The following GTF2A1 variants were observed in gnomAD, a reference collection of about 807,000 sequenced individuals.
The protein encoded by GTF2A1 is transcription initiation factor IIA subunit 1.
In GTF2A1, 12 loss-of-function variants were observed where a neutral mutation model predicts 54.1. The observed-to-expected ratio is 0.22, with a 90% CI of 0.14 to 0.36. GTF2A1 has a LOEUF of 0.36. Ranked by LOEUF, GTF2A1 falls within the 10% of genes least tolerant of loss-of-function variation. The probability of loss-of-function intolerance (pLI) is 1.00; values close to 1 mark genes in which losing one functional copy is unlikely to be tolerated. For missense variants in GTF2A1, 335 were observed against 442.2 expected (o/e 0.76, Z 2.17); for synonymous variants, 145 against 152.0 (o/e 0.95, Z 0.34).
intron 6 of GTF2A1, among the ~76,000 whole-genome samples, chr14:81,194,383 T>G (rs947002259): frequency 1.3e-5 from 2 of 152,216 alleles, no homozygotes; most frequent in South Asian, 4.1e-4. Flanking sequence ...TTAAGGAGAT[T>G]AGCCAGGTTT....
intron 2 of GTF2A1, among the ~76,000 whole-genome samples, chr14:81,211,794 A>C (rs1277350627): frequency 6.6e-6 from 1 of 150,922 alleles, no homozygotes; most frequent in Non-Finnish European, 1.5e-5. Context: ...GCTTTCCCTA[A>C]GAATAAATGA....
chr14:81,200,396 G>A (rs1893078887), intron 4 of GTF2A1, among the ~76,000 whole-genome samples: 1 of 152,106 alleles, frequency 6.6e-6, no homozygotes, highest in Admixed American at 6.5e-5. Context: ...GGCCGAGGTG[G>A]GCAGATCGCT....
intron 7 of GTF2A1, among the ~76,000 whole-genome samples, chr14:81,189,279 G>C (rs1892818969): frequency 6.6e-6 from 1 of 152,244 alleles, no homozygotes; most frequent in East Asian, 1.9e-4. Context: ...CACCTGTTTT[G>C]AGGCTCAAAA....
intron 2 of GTF2A1, among the ~76,000 whole-genome samples, chr14:81,212,002 C>A (rs1004105840): frequency 1.3e-5 from 2 of 150,622 alleles, no homozygotes; most frequent in Non-Finnish European, 2.9e-5. Context: ...TTGGTTACAA[C>A]TGAAGAGTGC....
rs540363789 is a variant in GTF2A1, at chr14:81,199,403, A to G, written c.403-1919T>C. Among the ~76,000 whole-genome samples, 3 of 152,374 alleles carry G rather than the reference A, an allele frequency of 2.0e-5. No individual in the cohort carries two copies. The South Asian group carries it at 6.2e-4, about 32-fold the overall frequency. The stretch of plus-strand genomic sequence containing the variant: ...CATTAGACCAATCATTTCATAAAAA[A>G]GAACCGAAAACAATGGTTTTCTAGA... On this transcript the variant is annotated intron_variant, in intron 4 of 8. Coordinates refer to ENST00000553612, the MANE Select transcript of GTF2A1 (RefSeq NM_015859.4).
In GTF2A1 at chr14:81,211,631, G is replaced by A. The variant is rs75332886; in HGVS notation, c.132+4782C>T. 5.2e-3 allele frequency among the ~76,000 whole-genome samples: 784 copies of A among 151,918 alleles called. 7 individuals are homozygous for A. The highest frequency in any genetic ancestry group is 0.018 in the African/African-American group (747 of 41,360). On this transcript the variant is annotated intron_variant, in intron 2 of 8. Transcript: ENST00000553612. ...ACATCAGAGACCTTCACTGCAGCCCGTCACATCACAAGCCCAGAGGTTAGG... is the reference window on the plus strand; with the variant it reads ...ACATCAGAGACCTTCACTGCAGCCCATCACATCACAAGCCCAGAGGTTAGG...
At chr14:81,187,074 A>G (rs71416861) in intron 7 of GTF2A1, among the ~76,000 whole-genome samples, 10 of 152,090 alleles carry the variant, frequency 6.6e-5, no homozygotes, top group African/African-American at 1.9e-4. Context: ...AATTTTCTAC[A>G]CCAGGCGTGG....
intron 7 of GTF2A1, among the ~76,000 whole-genome samples, chr14:81,190,132 A>G (rs1438135651): frequency 6.6e-6 from 1 of 152,150 alleles, no homozygotes; most frequent in Non-Finnish European, 1.5e-5. Flanking sequence ...ATATATAGAG[A>G]GTCCTAGAAA....
chr14:81,220,976 G>A (rs533292267), upstream of GTF2A1: 222 of 161,040 alleles, frequency 1.4e-3, no homozygotes, highest in African/African-American at 4.9e-3. Context: ...AAGGGGGAGG[G>A]AGGGGCGGAA....
At chr14:81,194,924 C>T (rs1021014690) in intron 6 of GTF2A1, among the ~76,000 whole-genome samples, 1 of 152,050 alleles carries the variant, frequency 6.6e-6, no homozygotes, top group African/African-American at 2.4e-5. Flanking sequence ...GGGCAGATCA[C>T]CTGAAGTCAG....
At chr14:81,220,458 G>A (rs749481027) in intron 1 of GTF2A1, 31 bp downstream of exon 1, 8 of 1,523,944 alleles carry the variant, frequency 5.2e-6, no homozygotes, top group African/African-American at 4.2e-5. Flanking sequence ...CCTGAACGAA[G>A]CCCCCGCCGG....
chr14:81,220,736 T>A lies in GTF2A1; in HGVS notation c.-218A>T. ...GCAGCTGAAAACCTCGAGAATCGCC[T>A]TAAAAAAAAAAAAAAAGCCACGACC... On this transcript the variant is annotated 5_prime_UTR_variant, in exon 1 of 9. It adds an upstream start codon to the 5' untranslated region. Coordinates refer to ENST00000553612, the MANE Select transcript of GTF2A1 (RefSeq NM_015859.4). 1 of 298,108 alleles carries A rather than the reference T, an allele frequency of 3.4e-6. No homozygotes were observed. Among genetic ancestry groups the A allele is most frequent in the Non-Finnish European group, 6.0e-6 (1 of 165,428 alleles). 18.5% of individuals were successfully genotyped at this position (298,108 alleles called of 1,614,324 possible). A position where few individuals can be genotyped will look rare whatever the true frequency, so the allele number is the denominator to read the frequency against.
At chr14:81,188,352 C>A (rs967593952) in intron 7 of GTF2A1, among the ~76,000 whole-genome samples, 1 of 152,138 alleles carries the variant, frequency 6.6e-6, no homozygotes, top group African/African-American at 2.4e-5. Flanking sequence ...CATGCCACTG[C>A]ACTCCAGTCT....
At chr14:81,185,828 T>C (rs1337426994) in intron 7 of GTF2A1, among the ~76,000 whole-genome samples, 1 of 152,204 alleles carries the variant, frequency 6.6e-6, no homozygotes, top group East Asian at 1.9e-4. Flanking sequence ...AGCTAAGCTA[T>C]GTAATTTTTA....
chr14:81,204,408 C>A, intron 2 of GTF2A1: 1 of 430,794 alleles, frequency 2.3e-6, no homozygotes, highest in South Asian at 2.1e-5. Flanking sequence ...TTCATACAAG[C>A]AACTTCTTTA....
chr14:81,198,171 A>T (rs886839388), intron 4 of GTF2A1, among the ~76,000 whole-genome samples: 6 of 152,228 alleles, frequency 3.9e-5, no homozygotes, highest in African/African-American at 1.4e-4. Context: ...CACACCAGGC[A>T]GACTGGCTCA....
chr14:81,207,702 T>C (rs1189087792), intron 2 of GTF2A1, among the ~76,000 whole-genome samples: 1 of 152,196 alleles, frequency 6.6e-6, no homozygotes, highest in Non-Finnish European at 1.5e-5. Flanking sequence ...AAAATGCTGA[T>C]AGTGATATGA....
chr14:81,208,270 T>A (rs548537543), intron 2 of GTF2A1, among the ~76,000 whole-genome samples: 1 of 152,246 alleles, frequency 6.6e-6, no homozygotes, highest in East Asian at 1.9e-4. Flanking sequence ...GGGGCCAACA[T>A]AGAGCTCAGA....
At position 81,189,446 on chromosome 14, in the gene GTF2A1, C is replaced by T. The variant is rs553280999; in HGVS notation, c.933+3073G>A. Reference sequence around the variant, plus strand: ...CAGCACTTTGGGAGGCCAAGGTGGGCGGATCACGAGGTCAGGAGATCAAGA... The same window carrying T: ...CAGCACTTTGGGAGGCCAAGGTGGGTGGATCACGAGGTCAGGAGATCAAGA... On this transcript the variant is annotated intron_variant, in intron 7 of 8. Transcript: ENST00000553612. Among the ~76,000 whole-genome samples the T allele has an allele frequency of 3.3e-4, 50 of 152,150 alleles. 1 individual carries two copies. In the South Asian group the frequency reaches 4.1e-3, roughly 13 times the overall value.
Sources: gnomAD v4.1 joint callset for allele counts (sites outside exome capture counted in the v4.1 genomes callset) on GRCh38, gnomAD v4.1.1 for gene constraint, MANE v1.5 for transcripts, NCBI Gene and HGNC (gene_info 2026-07-23, HGNC 2026-07-21) for gene names.